Variants in RND2 observed in about 807,000 individuals in gnomAD.
The protein encoded by RND2 is Rho family GTPase 2.
A neutral mutation model predicts 25.9 loss-of-function variants in RND2; 16 were observed. The ratio of observed to expected loss-of-function variants is 0.62; its 90% CI spans 0.42 to 0.94. The LOEUF (loss-of-function observed/expected upper bound fraction) is 0.94. Ranked by LOEUF, RND2 falls within the 40% of genes least tolerant of loss-of-function variation. RND2 has a pLI of 0.00. For synonymous variants in RND2, 97 were observed against 118.1 expected (o/e 0.82, Z 1.16); for missense variants, 276 against 305.5 (o/e 0.90, Z 0.72).
chr17:43,026,129 G>A, intron 2 of RND2, 82 bp downstream of exon 2: 1 of 918,798 alleles, frequency 1.1e-6, no homozygotes, highest in Non-Finnish European at 1.8e-6. Context: ...TAGGTTCCAG[G>A]TAAGCCCAGC....
chr17:43,026,634 G>A (rs1287462906), intron 2 of RND2, among the ~76,000 whole-genome samples: 1 of 152,204 alleles, frequency 6.6e-6, no homozygotes, highest in Non-Finnish European at 1.5e-5. Context: ...GAGCGATAGA[G>A]CGAGACTCCA....
At chr17:43,027,433 A>C (rs1597788681) in intron 3 of RND2, 141 bp downstream of exon 3, 7 of 573,352 alleles carry the variant, frequency 1.2e-5, no homozygotes, top group Non-Finnish European at 3.1e-6. Flanking sequence ...CATCCCTGCC[A>C]CCCCTGCCTC....
chr17:43,027,866 G>A (rs934107450), intron 3 of RND2, among the ~76,000 whole-genome samples, 195 bp from the exon 4 acceptor site: 3 of 152,122 alleles, frequency 2.0e-5, no homozygotes, highest in African/African-American at 4.8e-5. Context: ...TCTCCTCCCC[G>A]CTGCTTCTCT....
intron 3 of RND2, among the ~76,000 whole-genome samples, chr17:43,027,855 C>G (rs1276293527): frequency 1.3e-5 from 2 of 152,166 alleles, no homozygotes; most frequent in Admixed American, 6.5e-5. Context: ...CACGCCAGCC[C>G]TCTCCTCCCC....
At chr17:43,025,792 CGGGGGGGGGGG>C (rs570226935) in intron 1 of RND2, among the ~76,000 whole-genome samples, 157 bp from the exon 2 acceptor site, 5 of 4,282 alleles carry the variant, frequency 1.2e-3, no homozygotes, top group African/African-American at 3.7e-3. Flanking sequence ...AGAGATTCTC[CGGGGGGGGGGG>C]GGGGGGGGCA....
At chr17:43,025,890 G>T (rs1457062220) in intron 1 of RND2, 70 bp from the exon 2 acceptor site, 5 of 1,197,470 alleles carry the variant, frequency 4.2e-6, no homozygotes, top group African/African-American at 1.5e-5. Context: ...GGGTGTGGGA[G>T]TGAGGAGGGC....
At position 43,028,517 on chromosome 17, in the gene RND2, T is replaced by A. The variant is rs200578276; in HGVS notation, c.521T>A (p.Phe174Tyr). The A allele has an allele frequency of 2.2e-4, 349 of 1,614,114 alleles. No homozygotes were observed. Among genetic ancestry groups the A allele is most frequent in the Non-Finnish European group, 2.8e-4 (326 of 1,180,054 alleles). The stretch of plus-strand genomic sequence containing the variant: ...TCTGAGCGCAGCGTCAGGGATGTCT[T>A]CCATGTGGCTACAGTGGCCTCCCTT... ...RSSERSVRDV[F>Y]HVATVASLGR... The change falls in exon 5 of 5, where the codon TTC (phenylalanine) becomes TAC (tyrosine). Residue 174 changes from phenylalanine to tyrosine, a missense_variant. Phe to Tyr is a conservative substitution (Grantham distance 22, BLOSUM62 3). Transcript: ENST00000587250.
intron 1 of RND2, 21 bp downstream of exon 1, chr17:43,025,470 G>T: frequency 6.5e-7 from 1 of 1,544,036 alleles, no homozygotes; most frequent in East Asian, 2.5e-5. Context: ...TGCGTCTTGG[G>T]AGGGGGACGC....
Position 43,028,124 on chromosome 17 carries a change from G to C in RND2, c.364G>C (p.Asp122His), listed in dbSNP as rs2050638974. 2 of 1,614,164 alleles carry C rather than the reference G, an allele frequency of 1.2e-6. No individual in the cohort carries two copies. The highest frequency in any genetic ancestry group is 1.7e-6 in the Non-Finnish European group (2 of 1,180,030). Residue 122 changes from aspartate to histidine, a missense_variant, in exon 4 of 5, where the codon GAC becomes CAC. Asp to His is a moderately conservative substitution (Grantham distance 81). Transcript: ENST00000587250. ...AKVVLVGCKL[D>H]MRTDLATLRE... Reference sequence around the variant, plus strand: ...GGTTGTGCTGGTTGGCTGTAAACTGGACATGCGGACTGACCTGGCCACACT... The same window carrying C: ...GGTTGTGCTGGTTGGCTGTAAACTGCACATGCGGACTGACCTGGCCACACT...
At chr17:43,027,353 C>A in intron 3 of RND2, 61 bp downstream of exon 3, 1 of 1,157,660 alleles carries the variant, frequency 8.6e-7, no homozygotes, top group Non-Finnish European at 1.3e-6. Context: ...ATGGTCCTGA[C>A]ATAACATGGG....
In RND2 at chr17:43,029,876, C is replaced by T. The variant is rs547004134; in HGVS notation, c.*1196C>T. 5.0e-5 allele frequency: 7 copies of T among 140,454 alleles called. No homozygotes were observed. In the East Asian group the frequency reaches 1.5e-3, roughly 30 times the overall value. 8.7% of individuals were successfully genotyped at this position (140,454 alleles called of 1,614,324 possible). A position where few individuals can be genotyped will look rare whatever the true frequency, so the allele number is the denominator to read the frequency against. ...CCGAGATTGCGCCACTGCATTCTAG[C>T]CTGGATGACAGAGCAAGACTCTGTC... On this transcript the variant is annotated 3_prime_UTR_variant, in exon 5 of 5. Transcript: ENST00000587250.
Position 43,028,576 on chromosome 17 carries a change from T to C in RND2, c.580T>C (p.Ser194Pro). ...RGHRQLRRTD[S>P]RRGMQRSAQL... ...CCATAGGCAGCTGCGCCGAACTGAC[T>C]CACGCCGGGGAATGCAGCGATCCGC... The change falls in exon 5 of 5, where the codon TCA (serine) becomes CCA (proline). Residue 194 changes from serine to proline, a missense_variant. Coordinates refer to ENST00000587250, the MANE Select transcript of RND2 (RefSeq NM_005440.5). The C allele has an allele frequency of 1.9e-6, 3 of 1,614,080 alleles. No individual in the cohort carries two copies. The South Asian group carries it at 3.3e-5, about 18-fold the overall frequency.
chr17:43,025,887 G>A (rs992943242), intron 1 of RND2, 73 bp from the exon 2 acceptor site: 40 of 1,158,196 alleles, frequency 3.5e-5, no homozygotes, highest in Non-Finnish European at 4.8e-5. Flanking sequence ...ACGGGGTGTG[G>A]GAGTGAGGAG....
At chr17:43,026,138 G>C in intron 2 of RND2, 91 bp downstream of exon 2, 1 of 808,888 alleles carries the variant, frequency 1.2e-6, no homozygotes, top group Non-Finnish European at 2.1e-6. Flanking sequence ...GGTAAGCCCA[G>C]CCCATCCATC....
chr17:43,026,132 A>C, intron 2 of RND2, 85 bp downstream of exon 2: 1 of 861,974 alleles, frequency 1.2e-6, no homozygotes, highest in Non-Finnish European at 1.9e-6. Flanking sequence ...GTTCCAGGTA[A>C]GCCCAGCCCA....
chr17:43,026,153 T>G lies in RND2; in HGVS notation c.190+106T>G, dbSNP rs116071935. 1.9e-4 allele frequency: 129 copies of G among 684,664 alleles called. 1 individual carries two copies. The African/African-American group carries it at 2.2e-3, about 12-fold the overall frequency. 42.4% of individuals were successfully genotyped at this position (684,664 alleles called of 1,614,324 possible). A position where few individuals can be genotyped will look rare whatever the true frequency, so the allele number is the denominator to read the frequency against. The stretch of plus-strand genomic sequence containing the variant: ...GGTAAGCCCAGCCCATCCATCCAAT[T>G]CCAACAGGAAGGGAAAAATCAATAT... On this transcript the variant is annotated intron_variant, in intron 2 of 4. Coordinates refer to ENST00000587250, the MANE Select transcript of RND2 (RefSeq NM_005440.5).
chr17:43,027,989 C>CT, intron 3 of RND2, 72 bp from the exon 4 acceptor site: 1 of 1,527,868 alleles, frequency 6.5e-7, no homozygotes, highest in Non-Finnish European at 8.9e-7. Context: ...GGGCACACTG[C>CT]TGGCATGGCA....
chr17:43,027,962 C>G, intron 3 of RND2, 99 bp from the exon 4 acceptor site: 1 of 1,376,542 alleles, frequency 7.3e-7, no homozygotes, highest in Non-Finnish European at 9.9e-7. Context: ...ATGGTTTCTG[C>G]GTGCTTGAGG....
chr17:43,028,141 G>C lies in RND2; in HGVS notation c.381G>C (p.Leu127=). Residue 127 remains leucine (L), a synonymous_variant, in exon 4 of 5, where the codon CTG becomes CTC. Coordinates refer to ENST00000587250, the MANE Select transcript of RND2 (RefSeq NM_005440.5). The stretch of plus-strand genomic sequence containing the variant: ...GTAAACTGGACATGCGGACTGACCT[G>C]GCCACACTGAGGGAGCTGTCCAAGC... The part of the protein sequence containing the change: ...VGCKLDMRTD[L]ATLRELSKQR... The C allele has an allele frequency of 6.2e-7, 1 of 1,614,138 alleles. No homozygotes were observed. The highest frequency in any genetic ancestry group is 1.3e-5 in the African/African-American group (1 of 75,006).
Sources: allele counts gnomAD v4.1 joint callset (sites outside exome capture counted in the v4.1 genomes callset), GRCh38; gene constraint gnomAD v4.1.1; transcripts MANE v1.5; gene names NCBI Gene and HGNC (gene_info 2026-07-23, HGNC 2026-07-21).